Variants in COLQ observed in about 807,000 individuals in gnomAD.
COLQ encodes the protein collagen like tail subunit of asymmetric acetylcholinesterase.
A neutral mutation model predicts 69.0 loss-of-function variants in COLQ; 48 were observed. That is an observed-to-expected ratio of 0.70 (90% CI 0.55 to 0.88). The LOEUF (loss-of-function observed/expected upper bound fraction) is 0.88. COLQ is among the 40% of genes least tolerant of loss of function. COLQ has a pLI of 0.00. For synonymous variants in COLQ, 217 were observed against 211.2 expected (o/e 1.03, Z -0.24); for missense variants, 618 against 594.6 (o/e 1.04, Z -0.41).
chr3:15,453,375 C>T (rs1258649681), intron 16 of COLQ, among the ~76,000 whole-genome samples: 1 of 152,214 alleles, frequency 6.6e-6, no homozygotes, highest in Non-Finnish European at 1.5e-5. Context: ...CTTGCAGTCA[C>T]AGGCATGCCT....
At chr3:15,482,332 T>C (rs1250914657) in intron 3 of COLQ, among the ~76,000 whole-genome samples, 1 of 152,256 alleles carries the variant, frequency 6.6e-6, no homozygotes, top group Non-Finnish European at 1.5e-5. Flanking sequence ...TTCAGTATGA[T>C]ATTGGCTACG....
chr3:15,452,024 G>A (rs148630471), intron 16 of COLQ, among the ~76,000 whole-genome samples: 1 of 151,944 alleles, frequency 6.6e-6, no homozygotes, highest in African/African-American at 2.4e-5. Flanking sequence ...GCCAGATGTG[G>A]CTATTGAGCT....
At chr3:15,470,709 G>T in intron 10 of COLQ, 93 bp from the exon 11 acceptor site, 1 of 1,180,048 alleles carries the variant, frequency 8.5e-7, no homozygotes, top group Non-Finnish European at 1.3e-6. Flanking sequence ...TACGAGGGCA[G>T]TCTACTTGAT....
At chr3:15,503,360 G>A (rs1044432018) in intron 1 of COLQ, among the ~76,000 whole-genome samples, 1 of 152,124 alleles carries the variant, frequency 6.6e-6, no homozygotes, top group African/African-American at 2.4e-5. Flanking sequence ...AGAGAGATGG[G>A]GGCATGTCAT....
intron 5 of COLQ, 27 bp from the exon 6 acceptor site, chr3:15,477,224 G>T (rs2305612): frequency 3.8e-6 from 6 of 1,586,398 alleles, no homozygotes; most frequent in Non-Finnish European, 3.4e-6. Context: ...CAAAAGTCAG[G>T]GCAACTGGGT....
At chr3:15,521,132 C>A (rs1219369421) in intron 1 of COLQ, among the ~76,000 whole-genome samples, 1 of 152,204 alleles carries the variant, frequency 6.6e-6, no homozygotes. Flanking sequence ...GTGAGGCAAG[C>A]CCCCTTCGAA....
intron 12 of COLQ, among the ~76,000 whole-genome samples, chr3:15,465,284 T>TTTA (rs1559515600): frequency 1.6e-5 from 2 of 126,688 alleles, no homozygotes; most frequent in East Asian, 4.6e-4. Context: ...TTATTTATTT[T>TTTA]GAGATGGAGT....
intron 1 of COLQ, among the ~76,000 whole-genome samples, chr3:15,505,807 G>A (rs189669474): frequency 5.3e-4 from 81 of 152,340 alleles, no homozygotes; most frequent in Non-Finnish European, 8.2e-4. Context: ...CTGTGACTGC[G>A]TGGAAAGACC....
Position 15,474,174 on chromosome 3 carries a change from G to T in COLQ, c.600+54C>A, listed in dbSNP as rs2062338142. The T allele has an allele frequency of 2.5e-6, 4 of 1,606,326 alleles. No homozygotes were observed. The South Asian group carries it at 3.3e-5, about 13-fold the overall frequency. On this transcript the variant is annotated intron_variant, in intron 9 of 16. Coordinates refer to ENST00000383788, the MANE Select transcript of COLQ (RefSeq NM_005677.4). ...CAGTCCACGGATGGGGGTGGGTGGGGGCTGCTACTTGCACTGACATTTATC... is the reference window on the plus strand; with the variant it reads ...CAGTCCACGGATGGGGGTGGGTGGGTGCTGCTACTTGCACTGACATTTATC...
At chr3:15,480,476 C>G (rs1218400650) in intron 3 of COLQ, among the ~76,000 whole-genome samples, 2 of 152,148 alleles carry the variant, frequency 1.3e-5, no homozygotes, top group African/African-American at 4.8e-5. Context: ...ATGATGGTTT[C>G]CAGCTTCATC....
At chr3:15,496,991 G>A (rs528796104) in intron 1 of COLQ, among the ~76,000 whole-genome samples, 2 of 147,258 alleles carry the variant, frequency 1.4e-5, no homozygotes, top group South Asian at 2.2e-4. Flanking sequence ...TTCCTCATCT[G>A]TACCACAAAG....
At chr3:15,462,204 T>C (rs2062129537) in intron 12 of COLQ, among the ~76,000 whole-genome samples, 1 of 151,988 alleles carries the variant, frequency 6.6e-6, no homozygotes, top group South Asian at 2.1e-4. Context: ...AATTTTTGTA[T>C]TTTTAGTAGA....
chr3:15,519,877 C>T (rs943629395), intron 1 of COLQ, among the ~76,000 whole-genome samples: 1 of 152,202 alleles, frequency 6.6e-6, no homozygotes, highest in Non-Finnish European at 1.5e-5. Context: ...AGATGAGAAG[C>T]TTTTATTCAT....
intron 1 of COLQ, chr3:15,498,388 A>G: frequency 9.8e-7 from 1 of 1,017,142 alleles, no homozygotes; most frequent in Non-Finnish European, 1.4e-6. Context: ...ACTTAAAAAG[A>G]AAAAAAATTT....
intron 1 of COLQ, among the ~76,000 whole-genome samples, chr3:15,517,451 C>T (rs937412465): frequency 3.9e-5 from 6 of 152,100 alleles, no homozygotes; most frequent in Admixed American, 2.0e-4. Flanking sequence ...GAAGGCCTGC[C>T]CTCCGGTAAA....
chr3:15,500,074 T>G (rs370588725), intron 1 of COLQ, among the ~76,000 whole-genome samples: 20 of 152,238 alleles, frequency 1.3e-4, no homozygotes, highest in African/African-American at 3.9e-4. Flanking sequence ...GGGTAACGGT[T>G]GAGGGGTAGA....
intron 10 of COLQ, among the ~76,000 whole-genome samples, chr3:15,472,989 C>T (rs1384461985): frequency 1.3e-5 from 2 of 150,880 alleles, no homozygotes; most frequent in African/African-American, 2.4e-5. Context: ...CCTCCTGAGT[C>T]GCTGGGACTA....
chr3:15,513,858 T>C (rs998445528), intron 1 of COLQ, among the ~76,000 whole-genome samples: 1 of 152,200 alleles, frequency 6.6e-6, no homozygotes, highest in East Asian at 1.9e-4. Flanking sequence ...TGTTACCTTA[T>C]ATGGAAAATG....
intron 3 of COLQ, among the ~76,000 whole-genome samples, chr3:15,485,048 T>C (rs954729073): frequency 5.3e-5 from 8 of 152,252 alleles, no homozygotes; most frequent in Non-Finnish European, 8.8e-5. Flanking sequence ...CTTTGGTCTT[T>C]GATGATGGTG....
Sources: gnomAD v4.1 joint callset for allele counts (sites outside exome capture counted in the v4.1 genomes callset) on GRCh38, gnomAD v4.1.1 for gene constraint, MANE v1.5 for transcripts, NCBI Gene and HGNC (gene_info 2026-07-23, HGNC 2026-07-21) for gene names.